Variants in EPCAM observed in about 807,000 individuals in gnomAD.
EPCAM encodes epithelial cell adhesion molecule, also known as adenocarcinoma-associated antigen.
Under a neutral mutation model 40.0 loss-of-function variants are expected in EPCAM, and 39 were observed. The observed-to-expected ratio is 0.98, with a 90% CI of 0.76 to 1.27. EPCAM has a LOEUF of 1.27. Ranked by LOEUF, EPCAM falls within the 50% of genes most tolerant of loss-of-function variation. The pLI, the probability that EPCAM is intolerant of heterozygous loss-of-function variation, is 0.00. For missense variants in EPCAM, 503 were observed against 381.2 expected, an observed-to-expected ratio of 1.32 and a Z score of -2.66; for synonymous variants, 168 against 132.3, an observed-to-expected ratio of 1.27 and a Z score of -1.85.
chr2:47,379,350 A>G (rs984257783), intron 6 of EPCAM, among the ~76,000 whole-genome samples: 1 of 152,202 alleles, frequency 6.6e-6, no homozygotes, highest in African/African-American at 2.4e-5. Flanking sequence ...TATAATTTAC[A>G]CAAATAAAAG....
rs757174928 is a variant in EPCAM, at chr2:47,375,250, C to T, written c.442C>T (p.Leu148=). 1 of 1,610,768 alleles carries T rather than the reference C, an allele frequency of 6.2e-7. No individual in the cohort carries two copies. The highest frequency in any genetic ancestry group is 2.2e-5 in the East Asian group (1 of 44,822). ...RVRTYWIIIE[L]KHKAREKPYD... is the part of the protein sequence containing the mutation. ...ACTTTATAGCTGGATCATCATTGAA[C>T]TAAAACACAAAGCAAGAGAAAAACC... The change falls in exon 4 of 9, where the codon CTA becomes TTA. Residue 148 remains leucine, a synonymous_variant. Transcript: ENST00000263735.
intron 2 of EPCAM, 89 bp downstream of exon 2, chr2:47,373,659 G>C (rs937935193): frequency 1.4e-6 from 2 of 1,435,850 alleles, no homozygotes; most frequent in Admixed American, 3.7e-5. Flanking sequence ...GAGTTTTATT[G>C]GCTTAAATCT....
chr2:47,371,841 A>T (rs1671278206), intron 1 of EPCAM, among the ~76,000 whole-genome samples: 1 of 152,196 alleles, frequency 6.6e-6, no homozygotes, highest in Admixed American at 6.6e-5. Context: ...ATCGACTATA[A>T]CTTGAACAGG....
Position 47,369,553 on chromosome 2 carries a change from G to C in EPCAM, c.48G>C (p.Ala16=), listed in dbSNP as rs2103738145. The change falls in exon 1 of 9, where the codon GCG becomes GCC. Residue 16 remains alanine, a synonymous_variant. Transcript: ENST00000263735. ...CGTTCGGGCTTCTGCTTGCCGCGGC[G>C]ACGGCGACTTTTGCCGCAGCTCAGG... The part of the protein sequence containing the change: ...VLAFGLLLAA[A]TATFAAAQEE... 1.3e-6 allele frequency: 2 copies of C among 1,587,872 alleles called. No homozygotes were observed. Among genetic ancestry groups the C allele is most frequent in the Non-Finnish European group, 1.7e-6 (2 of 1,170,752 alleles).
intron 3 of EPCAM, among the ~76,000 whole-genome samples, chr2:47,374,281 C>G (rs539279631): frequency 9.9e-4 from 150 of 152,032 alleles, no homozygotes; most frequent in Non-Finnish European, 1.8e-3. Context: ...TGTTATATAT[C>G]TGTTTTATTA....
In EPCAM at chr2:47,385,281, C is replaced by T. The variant is rs137886317; in HGVS notation, c.903+71C>T. The T allele has an allele frequency of 2.2e-3, 2,667 of 1,206,888 alleles. 44 individuals carry two copies. The African/African-American group carries it at 0.036, about 16-fold the overall frequency. 74.8% of individuals were successfully genotyped at this position (1,206,888 alleles called of 1,614,324 possible). A position where few individuals can be genotyped will look rare whatever the true frequency, so the allele number is the denominator to read the frequency against. The stretch of plus-strand genomic sequence containing the variant: ...TACTCCTAATCACTCTACCTTCCTA[C>T]ACACTGATGCATTTCAGTTATACTG... On this transcript the variant is annotated intron_variant, in intron 8 of 8. Coordinates refer to ENST00000263735, the MANE Select transcript of EPCAM (RefSeq NM_002354.3).
chr2:47,386,512 G>T, intron 8 of EPCAM, 60 bp from the exon 9 acceptor site: 1 of 1,288,594 alleles, frequency 7.8e-7, no homozygotes, highest in South Asian at 1.3e-5. Context: ...ACTATTTTCA[G>T]AATGAACAAA....
chr2:47,380,831 G>A (rs966398242), intron 7 of EPCAM, among the ~76,000 whole-genome samples: 1 of 152,156 alleles, frequency 6.6e-6, no homozygotes, highest in Non-Finnish European at 1.5e-5. Context: ...GCTCAGGCCT[G>A]TAATCGCAGC....
At chr2:47,378,849 T>G (rs1242262656) in intron 5 of EPCAM, 104 bp from the exon 6 acceptor site, 5 of 693,166 alleles carry the variant, frequency 7.2e-6, no homozygotes, top group Non-Finnish European at 1.3e-5. Context: ...GCATGTAGAT[T>G]ATAGAAAATC....
chr2:47,373,231 A>AAAAAC lies in EPCAM; in HGVS notation c.77-230_77-226dup, dbSNP rs1553342905. Among the ~76,000 whole-genome samples the AAAAAC allele has an allele frequency of 2.8e-4, 39 of 137,326 alleles. 2 individuals carry two copies. Among genetic ancestry groups the AAAAAC allele is most frequent in the Admixed American group, 4.7e-4 (6 of 12,898 alleles). 90.1% of individuals were successfully genotyped at this position (137,326 alleles called of 152,430 possible). A position where few individuals can be genotyped will look rare whatever the true frequency, so the allele number is the denominator to read the frequency against. On this transcript the variant is annotated intron_variant, in intron 1 of 8. Transcript: ENST00000263735. ...AAAAAAAAAAAAAAAAAAAAAAAAA[A>AAAAAC]AAAACAGGAATGCATGCAGATTAAA... is the stretch of plus-strand genomic sequence containing the variant.
rs777057814 is a variant in EPCAM, at chr2:47,373,205, T to TAAAAAAA, written c.77-234_77-228dup. Among the ~76,000 whole-genome samples, 249 of 65,032 alleles carry TAAAAAAA rather than the reference T, an allele frequency of 3.8e-3. 16 individuals carry two copies. The highest frequency in any genetic ancestry group is 6.6e-3 in the Non-Finnish European group (207 of 31,400). 42.7% of individuals were successfully genotyped at this position (65,032 alleles called of 152,430 possible). On this transcript the variant is annotated intron_variant, in intron 1 of 8. Transcript: ENST00000263735. Reference sequence around the variant, plus strand: ...GGGCCACAGAGTGAGACCCTATCTTTAAAAAAAAAAAAAAAAAAAAAAAAA... The same window carrying TAAAAAAA: ...GGGCCACAGAGTGAGACCCTATCTTTAAAAAAAAAAAAAAAAAAAAAAAAAAAAAAAA...
rs757963724 is a variant in EPCAM at position 47,379,052 on chromosome 2, G to A, written c.655G>A (p.Asp219Asn). Residue 219 changes from aspartate (D) to asparagine (N), a missense_variant and splice_region_variant, in exon 6 of 9, where the codon GAT (aspartate) becomes AAT (asparagine). Asp to Asn is a conservative substitution (Grantham distance 23, BLOSUM62 1). Coordinates refer to ENST00000263735, the MANE Select transcript of EPCAM (RefSeq NM_002354.3). ...IADVAYYFEK[D>N]VKGESLFHSK... ...TGATGTGGCTTATTATTTTGAAAAA[G>A]ATGTGAGTATCATCTTCTTTATTCC... is the stretch of plus-strand genomic sequence containing the variant. The A allele has an allele frequency of 5.4e-6, 8 of 1,492,688 alleles. No individual in the cohort carries two copies. Among genetic ancestry groups the A allele is most frequent in the Non-Finnish European group, 6.5e-6 (7 of 1,069,616 alleles). 92.5% of individuals were successfully genotyped at this position (1,492,688 alleles called of 1,614,324 possible). A position where few individuals can be genotyped will look rare whatever the true frequency, so the allele number is the denominator to read the frequency against.
intron 7 of EPCAM, among the ~76,000 whole-genome samples, chr2:47,382,680 C>T (rs868117638): frequency 6.6e-6 from 1 of 152,142 alleles, no homozygotes; most frequent in African/African-American, 2.4e-5. Context: ...GAGCAAAACT[C>T]TGTCTCAAAA....
chr2:47,373,962 C>G lies in EPCAM; in HGVS notation c.339C>G (p.Thr113=), dbSNP rs1049534012. Residue 113 remains threonine (T), a synonymous_variant, in exon 3 of 9, where the codon ACC becomes ACG. Coordinates refer to ENST00000263735, the MANE Select transcript of EPCAM (RefSeq NM_002354.3). ...GLFKAKQCNG[T]SMCWCVNTAG... ...TTAAGGCCAAGCAGTGCAACGGCAC[C>G]TCCATGTGCTGGTGTGTGAACACTG... 1.2e-6 allele frequency: 2 copies of G among 1,613,928 alleles called. No homozygotes were observed. The highest frequency in any genetic ancestry group is 3.3e-5 in the Admixed American group (2 of 59,964).
intron 7 of EPCAM, among the ~76,000 whole-genome samples, chr2:47,380,637 C>T (rs1671561316): frequency 1.3e-5 from 2 of 152,108 alleles, no homozygotes; most frequent in African/African-American, 2.4e-5. Context: ...ACAAAGTTAA[C>T]GTTAGCCATA....
Position 47,379,054 on chromosome 2 carries a change from TGTGA to T in EPCAM, c.657+3_657+6del. The T allele has an allele frequency of 3.4e-6, 5 of 1,475,340 alleles. No individual in the cohort carries two copies. The highest frequency in any genetic ancestry group is 4.7e-6 in the Non-Finnish European group (5 of 1,053,640). 91.4% of individuals were successfully genotyped at this position (1,475,340 alleles called of 1,614,324 possible). A position where few individuals can be genotyped will look rare whatever the true frequency, so the allele number is the denominator to read the frequency against. On this transcript the variant is annotated splice_donor_variant and splice_donor_region_variant and intron_variant, in intron 6 of 8. Coordinates refer to ENST00000263735, the MANE Select transcript of EPCAM (RefSeq NM_002354.3). LOFTEE classifies it high-confidence loss of function. ...ATGTGGCTTATTATTTTGAAAAAGATGTGAGTATCATCTTCTTTATTCCTGTGTT... is the reference window on the plus strand; with the variant it reads ...ATGTGGCTTATTATTTTGAAAAAGATGTATCATCTTCTTTATTCCTGTGTT...
chr2:47,372,712 C>G (rs931629029), intron 1 of EPCAM, among the ~76,000 whole-genome samples: 2 of 150,906 alleles, frequency 1.3e-5, no homozygotes, highest in African/African-American at 4.9e-5. Flanking sequence ...ATGGATGTTG[C>G]AGTGAGCTGC....
At chr2:47,380,734 A>G (rs894659071) in intron 7 of EPCAM, among the ~76,000 whole-genome samples, 5 of 152,244 alleles carry the variant, frequency 3.3e-5, no homozygotes, top group Admixed American at 3.3e-4. Flanking sequence ...AAAAGAATGT[A>G]TTGCTTGAAG....
intron 8 of EPCAM, 86 bp from the exon 9 acceptor site, chr2:47,386,486 T>C (rs1334533939): frequency 9.7e-7 from 1 of 1,035,566 alleles, no homozygotes. Flanking sequence ...TTCCTTTAAT[T>C]TCATTTTTAT....
Sources: gnomAD v4.1 joint callset for allele counts (sites outside exome capture counted in the v4.1 genomes callset) on GRCh38, gnomAD v4.1.1 for gene constraint, MANE v1.5 for transcripts, NCBI Gene and HGNC (gene_info 2026-07-23, HGNC 2026-07-21) for gene names.